Variants in KLF12 observed in about 807,000 individuals in gnomAD.
KLF12 encodes the protein KLF transcription factor 12, also known as Krueppel-like factor 12.
A neutral mutation model predicts 37.8 loss-of-function variants in KLF12; 9 were observed. The observed-to-expected ratio is 0.24, with a 90% CI of 0.14 to 0.42. KLF12 has a LOEUF of 0.42. Ranked by LOEUF, KLF12 falls within the 10% of genes least tolerant of loss-of-function variation. The pLI is 1.00. For missense variants in KLF12, 411 were observed against 516.0 expected (o/e 0.80, Z 1.97); for synonymous variants, 208 against 202.1 (o/e 1.03, Z -0.25).
chr13:73,862,370 C>T (rs3764110), intron 3 of KLF12, among the ~76,000 whole-genome samples: 2,277 of 152,200 alleles, frequency 0.015, 59 homozygotes, highest in East Asian at 0.091. Context: ...AGGAAACAGA[C>T]GTGGAGAGGT....
intron 1 of KLF12, among the ~76,000 whole-genome samples, chr13:74,011,794 C>G (rs1379325651): frequency 6.6e-6 from 1 of 152,172 alleles, no homozygotes; most frequent in Non-Finnish European, 1.5e-5. Context: ...ATTTTGGCAT[C>G]AGAAGAGTGT....
the KLF12 span, among the ~76,000 whole-genome samples, chr13:74,235,402 A>G: frequency 1.7e-4 from 26 of 152,252 alleles, 2 homozygotes; most frequent in East Asian, 5.0e-3. Flanking sequence ...GCACTTCCCT[A>G]TGTTTATTTT....
chr13:73,908,706 C>G (rs1236392038), intron 3 of KLF12, among the ~76,000 whole-genome samples: 1 of 152,012 alleles, frequency 6.6e-6, no homozygotes, highest in African/African-American at 2.4e-5. Context: ...TATTGAACTC[C>G]TGACCTCAGG....
intron 4 of KLF12, among the ~76,000 whole-genome samples, chr13:73,823,697 T>G (rs1883666592): frequency 1.3e-5 from 2 of 148,978 alleles, no homozygotes; most frequent in South Asian, 4.3e-4. Context: ...TTATCTCTCT[T>G]CATTTGTAGT....
intron 2 of KLF12, among the ~76,000 whole-genome samples, chr13:73,953,273 A>G (rs978678277): frequency 1.3e-5 from 2 of 152,160 alleles, no homozygotes; most frequent in African/African-American, 4.8e-5. Context: ...AAAGACTAAT[A>G]AAGTCAAATT....
intron 2 of KLF12, among the ~76,000 whole-genome samples, chr13:73,992,168 T>C (rs1176607835): frequency 1.3e-5 from 2 of 152,132 alleles, no homozygotes; most frequent in Non-Finnish European, 2.9e-5. Flanking sequence ...TGGGTAAACA[T>C]ATTGAAATGG....
chr13:73,742,777 C>CA (rs1227801735), intron 6 of KLF12, among the ~76,000 whole-genome samples: 1 of 152,176 alleles, frequency 6.6e-6, no homozygotes, highest in East Asian at 1.9e-4. Context: ...GTTACTACAT[C>CA]AACCGCACAG....
At chr13:74,209,544 A>ACG in the KLF12 span, among the ~76,000 whole-genome samples, 1 of 151,852 alleles carries the variant, frequency 6.6e-6, no homozygotes, top group Non-Finnish European at 1.5e-5. Flanking sequence ...ACACACACAC[A>ACG]CACACACACA....
intron 5 of KLF12, among the ~76,000 whole-genome samples, chr13:73,768,071 G>T (rs952553674): frequency 6.6e-6 from 1 of 152,182 alleles, no homozygotes; most frequent in African/African-American, 2.4e-5. Flanking sequence ...GAATTAGGAT[G>T]AAGTGGTTAA....
At chr13:73,927,600 C>T (rs1014346582) in intron 3 of KLF12, among the ~76,000 whole-genome samples, 2 of 151,934 alleles carry the variant, frequency 1.3e-5, no homozygotes, top group Admixed American at 6.6e-5. Flanking sequence ...TTTTTGAGAT[C>T]GAGTCTTGCT....
chr13:74,260,240 T>A, the KLF12 span, among the ~76,000 whole-genome samples: 1 of 152,080 alleles, frequency 6.6e-6, no homozygotes, highest in African/African-American at 2.4e-5. Flanking sequence ...CTCTCTCATG[T>A]GACACATAGC....
chr13:73,883,826 A>G (rs1887093514), intron 3 of KLF12, among the ~76,000 whole-genome samples: 1 of 152,158 alleles, frequency 6.6e-6, no homozygotes, highest in African/African-American at 2.4e-5. Flanking sequence ...CTTTTGTTGG[A>G]AGTTAAATTT....
chr13:74,217,485 T>C, the KLF12 span, among the ~76,000 whole-genome samples: 1 of 151,700 alleles, frequency 6.6e-6, no homozygotes, highest in African/African-American at 2.4e-5. Context: ...TCCTAGCACT[T>C]TGGGAGGCAA....
chr13:74,123,779 C>T lies in KLF12; in HGVS notation c.-32+9960G>A, dbSNP rs555899662. Among the ~76,000 whole-genome samples the T allele has an allele frequency of 8.5e-5, 13 of 152,202 alleles. No homozygotes were observed. In the South Asian group the frequency reaches 2.7e-3, roughly 32 times the overall value. ...GTGGACTTGCAAAGTTTTTACTTAT[C>T]GAGACTAAATGAAAGTCAGAAAGAC... is the stretch of plus-strand genomic sequence containing the variant. On this transcript the variant is annotated intron_variant, in intron 1 of 7. Coordinates refer to ENST00000377669, the MANE Select transcript of KLF12 (RefSeq NM_007249.5).
chr13:74,287,778 G>GC, the KLF12 span, among the ~76,000 whole-genome samples: 2 of 152,222 alleles, frequency 1.3e-5, no homozygotes, highest in African/African-American at 4.8e-5. Context: ...CTGTCCAATT[G>GC]CACAATTTCT....
chr13:73,742,999 T>A (rs988600817), intron 6 of KLF12, among the ~76,000 whole-genome samples: 1 of 148,658 alleles, frequency 6.7e-6, no homozygotes, highest in Non-Finnish European at 1.5e-5. Context: ...GGAAGAGCCA[T>A]AGGTTTGTGT....
In KLF12 at chr13:73,689,900, A is replaced by G. The variant is rs370054389; in HGVS notation, c.*5590T>C. On this transcript the variant is annotated 3_prime_UTR_variant, in exon 8 of 8. Coordinates refer to ENST00000377669, the MANE Select transcript of KLF12 (RefSeq NM_007249.5). Reference sequence around the variant, plus strand: ...ATACTGTTTCATAAGTTTGGGGCAAATGACAGTCAACTTTTTATCTGGAAA... The same window carrying G: ...ATACTGTTTCATAAGTTTGGGGCAAGTGACAGTCAACTTTTTATCTGGAAA... 26 of 152,344 alleles carry G rather than the reference A, an allele frequency of 1.7e-4. No individual in the cohort carries two copies. Among genetic ancestry groups the G allele is most frequent in the African/African-American group, 6.3e-4 (26 of 41,588 alleles). The allele number at this position is 152,344 out of a possible 1,614,324, so 9.4% of individuals were successfully genotyped here.
intron 6 of KLF12, among the ~76,000 whole-genome samples, chr13:73,729,854 C>T (rs1327444155): frequency 6.6e-6 from 1 of 152,130 alleles, no homozygotes; most frequent in Non-Finnish European, 1.5e-5. Flanking sequence ...GCATCCTTAG[C>T]AACTTGATAA....
intron 1 of KLF12, among the ~76,000 whole-genome samples, chr13:74,120,877 G>T (rs1877588254): frequency 6.6e-6 from 1 of 151,312 alleles, no homozygotes; most frequent in African/African-American, 2.4e-5. Flanking sequence ...AAAACAAACA[G>T]ATTAACTAAT....
Sources: gnomAD v4.1 joint callset for allele counts (sites outside exome capture counted in the v4.1 genomes callset) on GRCh38, gnomAD v4.1.1 for gene constraint, MANE v1.5 for transcripts, NCBI Gene and HGNC (gene_info 2026-07-23, HGNC 2026-07-21) for gene names.